The following TRERF1 variants were observed in gnomAD, a reference collection of about 807,000 sequenced individuals.
The protein encoded by TRERF1 is transcriptional regulating factor 1, also known as transcriptional-regulating factor 1.
A neutral mutation model predicts 122.9 loss-of-function variants in TRERF1; 27 were observed. That is an observed-to-expected ratio of 0.22 (90% CI 0.16 to 0.30). The LOEUF is 0.30. TRERF1 is among the 10% of genes least tolerant of loss of function. The pLI, the probability that TRERF1 is intolerant of heterozygous loss-of-function variation, is 1.00. For synonymous variants in TRERF1, 636 were observed against 641.7 expected (o/e 0.99, Z 0.13); for missense variants, 1,248 against 1,560.3 (o/e 0.80, Z 3.37).
chr6:42,245,969 G>T (rs944360617), intron 14 of TRERF1, among the ~76,000 whole-genome samples: 2 of 152,208 alleles, frequency 1.3e-5, no homozygotes, highest in African/African-American at 4.8e-5. Context: ...TTAGCCGGGC[G>T]TGGTGGTGCA....
chr6:42,408,366 TATATA>T (rs1780609809), intron 2 of TRERF1, among the ~76,000 whole-genome samples: 2 of 87,858 alleles, frequency 2.3e-5, no homozygotes, highest in Non-Finnish European at 4.9e-5. Context: ...TATATATATA[TATATA>T]TCTTTTTTTT....
intron 4 of TRERF1, among the ~76,000 whole-genome samples, chr6:42,293,237 T>A (rs142249309): frequency 6.6e-6 from 1 of 152,194 alleles, no homozygotes; most frequent in South Asian, 2.1e-4. Flanking sequence ...CTCATACCCA[T>A]TATTTCTCTG....
rs902805687 is a variant in TRERF1, at chr6:42,323,208, T to C, written c.-370-22459A>G. 2.0e-5 allele frequency among the ~76,000 whole-genome samples: 3 copies of C among 151,850 alleles called. No homozygotes were observed. The East Asian group carries it at 5.8e-4, about 29-fold the overall frequency. On this transcript the variant is annotated intron_variant, in intron 3 of 17. Transcript: ENST00000372922. ...ACTTTCCCCCAGTTTTTTTTTTTTT[T>C]TTCCTTTTGAGATGGAGTCTCGCTC...
chr6:42,363,677 C>G (rs561256502), intron 2 of TRERF1, among the ~76,000 whole-genome samples: 1 of 152,114 alleles, frequency 6.6e-6, no homozygotes, highest in Non-Finnish European at 1.5e-5. Context: ...ATAGTTAAGA[C>G]GAGGTCCTAC....
chr6:42,348,011 C>T (rs992078529), intron 3 of TRERF1, among the ~76,000 whole-genome samples: 4 of 152,232 alleles, frequency 2.6e-5, no homozygotes, highest in Non-Finnish European at 5.9e-5. Flanking sequence ...CACCTATCCA[C>T]GCATCTTTGG....
chr6:42,269,457 A>G lies in TRERF1; in HGVS notation c.134T>C (p.Met45Thr), dbSNP rs1433556318. ...GATTGGCGAGGCCTGAGGGGCATCC[A>G]TTCCGCCCCCTGTAACTGCATTCCC... Residue 45 changes from methionine (M) to threonine (T), a missense_variant, in exon 5 of 18, where the codon ATG (methionine) becomes ACG (threonine). Coordinates refer to ENST00000372922, the Ensembl canonical transcript of TRERF1. This position sits in a 1 kb window ranked among gnomAD's most constrained non-coding sequence, Gnocchi z 4.9. The G allele has an allele frequency of 1.2e-6, 2 of 1,614,168 alleles. No individual in the cohort carries two copies. Among genetic ancestry groups the G allele is most frequent in the Non-Finnish European group, 8.5e-7 (1 of 1,180,032 alleles).
At chr6:42,295,329 G>A (rs1402100600) in intron 4 of TRERF1, among the ~76,000 whole-genome samples, 1 of 152,224 alleles carries the variant, frequency 6.6e-6, no homozygotes, top group Non-Finnish European at 1.5e-5. Context: ...ATTAGTCAGA[G>A]AGACAGAAGC....
rs990340090 is a variant in TRERF1 at position 42,228,766 on chromosome 6, C to G, written c.3279-97G>C. ...CGGGGAATGGGGGTGTGTGGTCTGA[C>G]AAAGTCCCTGGCTGCTCGGCTTCTA... On this transcript the variant is annotated intron_variant, in intron 17 of 17. Transcript: ENST00000372922. The surrounding 1 kb of genome is among the most constrained non-coding windows in gnomAD (Gnocchi z 4.2). 1.2e-4 allele frequency: 152 copies of G among 1,276,062 alleles called. No individual in the cohort carries two copies. Among genetic ancestry groups the G allele is most frequent in the South Asian group, 1.2e-3 (79 of 68,394 alleles). The allele number at this position is 1,276,062 out of a possible 1,614,324, so 79.0% of individuals were successfully genotyped here. A position where few individuals can be genotyped will look rare whatever the true frequency, so the allele number is the denominator to read the frequency against.
At chr6:42,297,692 C>T (rs1435997937) in intron 4 of TRERF1, among the ~76,000 whole-genome samples, 2 of 152,188 alleles carry the variant, frequency 1.3e-5, no homozygotes, top group Non-Finnish European at 2.9e-5. Flanking sequence ...AAAGCCTTAA[C>T]TAGAAAATTA....
At chr6:42,317,975 A>G (rs373694541) in intron 3 of TRERF1, among the ~76,000 whole-genome samples, 3 of 151,980 alleles carry the variant, frequency 2.0e-5, no homozygotes, top group East Asian at 3.9e-4. Context: ...CCAACATGGC[A>G]AAACCCCGTC....
intron 4 of TRERF1, among the ~76,000 whole-genome samples, chr6:42,270,956 A>G (rs1421215883): frequency 6.6e-6 from 1 of 151,608 alleles, no homozygotes; most frequent in Non-Finnish European, 1.5e-5. Context: ...TTTAGTAGAG[A>G]CAGGGTTTCA....
intron 2 of TRERF1, among the ~76,000 whole-genome samples, chr6:42,408,502 C>T (rs1780644695): frequency 6.6e-6 from 1 of 150,468 alleles, no homozygotes; most frequent in African/African-American, 2.4e-5. Flanking sequence ...CCTCAGCCTC[C>T]CGAGTAGCTG....
intron 3 of TRERF1, among the ~76,000 whole-genome samples, chr6:42,329,421 C>T (rs571950375): frequency 6.5e-4 from 99 of 152,206 alleles, no homozygotes; most frequent in African/African-American, 2.3e-3. Context: ...CAGCAGCTCC[C>T]AGGTCAATAA....
At chr6:42,447,387 A>AC (rs1787708859) in intron 2 of TRERF1, among the ~76,000 whole-genome samples, 1 of 152,206 alleles carries the variant, frequency 6.6e-6, no homozygotes, top group South Asian at 2.1e-4. Context: ...AAAAATGCCC[A>AC]CAGCACCCTT....
chr6:42,341,948 G>C (rs915269868), intron 3 of TRERF1, among the ~76,000 whole-genome samples: 3 of 152,188 alleles, frequency 2.0e-5, no homozygotes, highest in Non-Finnish European at 4.4e-5. Context: ...TATTAGTAGA[G>C]CCATCTGCTC....
intron 15 of TRERF1, 101 bp from the exon 16 acceptor site, chr6:42,236,512 C>T (rs554866580): frequency 1.4e-6 from 2 of 1,459,436 alleles, no homozygotes; most frequent in East Asian, 2.5e-5. Context: ...GGGCAGGATG[C>T]TGGCGCTGTG....
At chr6:42,244,981 A>AGAT (rs1361037342) in intron 14 of TRERF1, among the ~76,000 whole-genome samples, 1 of 152,238 alleles carries the variant, frequency 6.6e-6, no homozygotes, top group Non-Finnish European at 1.5e-5. Flanking sequence ...CTACATGGTG[A>AGAT]GATGAGAGGG....
chr6:42,250,410 T>C (rs760457491), intron 13 of TRERF1, among the ~76,000 whole-genome samples: 39 of 152,184 alleles, frequency 2.6e-4, no homozygotes, highest in Non-Finnish European at 3.8e-4. Flanking sequence ...AATCCGAAGT[T>C]AACGAAAGGC....
exon 18 of TRERF1, chr6:42,225,809 T>C (rs754579179): frequency 3.3e-5 from 5 of 152,236 alleles, no homozygotes; most frequent in Non-Finnish European, 5.9e-5. Context: ...TAACAGCAGT[T>C]AAATATATTT....
Sources: allele counts gnomAD v4.1 joint callset (sites outside exome capture counted in the v4.1 genomes callset), GRCh38; gene constraint gnomAD v4.1.1; non-coding constraint Gnocchi (gnomAD v3.1); transcripts MANE v1.5; gene names NCBI Gene and HGNC (gene_info 2026-07-23, HGNC 2026-07-21).